PITRM1: variants seen among roughly 807,000 people sequenced by gnomAD.
PITRM1 encodes the protein presequence protease, mitochondrial.
In PITRM1, 100 loss-of-function variants were observed where a neutral mutation model predicts 129.9. The ratio of observed to expected loss-of-function variants is 0.77; its 90% CI spans 0.65 to 0.91. PITRM1 has a LOEUF of 0.91. Ranked by LOEUF, PITRM1 falls within the 40% of genes least tolerant of loss-of-function variation. The pLI, the probability that PITRM1 is intolerant of heterozygous loss-of-function variation, is 0.00. For synonymous variants in PITRM1, 591 were observed against 508.8 expected, an observed-to-expected ratio of 1.16 and a Z score of -2.17; for missense variants, 1,471 against 1,318.3, an observed-to-expected ratio of 1.12 and a Z score of -1.79.
intron 10 of PITRM1, among the ~76,000 whole-genome samples, chr10:3,158,373 G>A (rs903172349): frequency 6.6e-6 from 1 of 152,052 alleles, no homozygotes; most frequent in Non-Finnish European, 1.5e-5. Flanking sequence ...AGTTATGGCA[G>A]GATAAATATC....
At chr10:3,172,502 C>T (rs1564446988) in intron 1 of PITRM1, among the ~76,000 whole-genome samples, 2 of 152,286 alleles carry the variant, frequency 1.3e-5, no homozygotes, top group East Asian at 1.9e-4. Context: ...CAGCCCGGGG[C>T]ATCGCCCCTG....
At chr10:3,159,978 C>CA (rs1842312668) in intron 8 of PITRM1, 42 bp from the exon 9 acceptor site, 1 of 1,388,430 alleles carries the variant, frequency 7.2e-7, no homozygotes, top group Non-Finnish European at 1.0e-6. Flanking sequence ...CAGTGTCTGA[C>CA]GGTTGTCAAC....
In PITRM1 at chr10:3,172,688, G is replaced by A. The variant is rs1331446101; in HGVS notation, c.56+29C>T. 1.1e-5 allele frequency: 17 copies of A among 1,527,872 alleles called. No individual in the cohort carries two copies. In the South Asian group the frequency reaches 1.6e-4, roughly 14 times the overall value. 94.6% of individuals were successfully genotyped at this position (1,527,872 alleles called of 1,614,324 possible). On this transcript the variant is annotated intron_variant, in intron 1 of 26. Coordinates refer to ENST00000224949, the MANE Select transcript of PITRM1 (RefSeq NM_014889.4). ...ACCCTCCCCTCCCGGGTACCAGCGCGCCGAGCGCCTCCCGTCGCAGCGTCT... is the reference window on the plus strand; with the variant it reads ...ACCCTCCCCTCCCGGGTACCAGCGCACCGAGCGCCTCCCGTCGCAGCGTCT...
rs1202964935 is a variant in PITRM1, at chr10:3,151,281, G to T, written c.1704C>A (p.Thr568=). ...CCACGTCCAACTCTGTGACAGGTAT[G>T]GTGGGTTCAATATCGGAAACTTTCA... ...PALKVSDIEP[T]IPVTELDVVL... Residue 568 remains threonine (T), a synonymous_variant, in exon 15 of 27, where the codon ACC becomes ACA. Transcript: ENST00000224949. 1 of 1,608,340 alleles carries T rather than the reference G, an allele frequency of 6.2e-7. No individual in the cohort carries two copies. The highest frequency in any genetic ancestry group is 8.5e-7 in the Non-Finnish European group (1 of 1,177,024).
intron 20 of PITRM1, 94 bp from the exon 21 acceptor site, chr10:3,145,810 A>G: frequency 9.7e-7 from 1 of 1,032,068 alleles, no homozygotes; most frequent in Non-Finnish European, 1.4e-6. Context: ...TGTTGTTTTT[A>G]TAGAAAATAC....
At position 3,157,447 on chromosome 10, in the gene PITRM1, C is replaced by G. The variant is rs1405193525; in HGVS notation, c.1335G>C (p.Leu445=). 1 of 1,602,130 alleles carries G rather than the reference C, an allele frequency of 6.2e-7. No individual in the cohort carries two copies. The highest frequency in any genetic ancestry group is 1.7e-5 in the Admixed American group (1 of 58,208). ...AGAGATCACTTACTGATGTCAGCATCAGCCCAAAGCTGGTAGACTGATGTT... is the reference window on the plus strand; with the variant it reads ...AGAGATCACTTACTGATGTCAGCATGAGCCCAAAGCTGGTAGACTGATGTT... ...QMKHQSTSFG[L]MLTSYIASCW... is the part of the protein sequence containing the mutation. The change falls in exon 12 of 27, where the codon CTG becomes CTC. Residue 445 remains leucine (L), a synonymous_variant. Transcript: ENST00000224949.
intron 20 of PITRM1, chr10:3,145,927 C>A: frequency 1.8e-6 from 1 of 548,548 alleles, no homozygotes; most frequent in East Asian, 3.2e-5. Flanking sequence ...AATGTGGCAG[C>A]TAATGAAGCC....
intron 15 of PITRM1, among the ~76,000 whole-genome samples, chr10:3,150,191 C>A (rs547058215): frequency 2.0e-4 from 30 of 152,326 alleles, no homozygotes; most frequent in Non-Finnish European, 4.0e-4. Context: ...GTGTCCCCCA[C>A]CCACCCATCC....
chr10:3,158,333 C>G (rs564164836), intron 10 of PITRM1, among the ~76,000 whole-genome samples, 180 bp from the exon 11 acceptor site: 110 of 152,272 alleles, frequency 7.2e-4, no homozygotes, highest in African/African-American at 2.5e-3. Context: ...ATTTTTACAT[C>G]ATTTTTTAAA....
chr10:3,149,867 A>G (rs1841330413), intron 15 of PITRM1, 114 bp from the exon 16 acceptor site: 4 of 1,085,830 alleles, frequency 3.7e-6, no homozygotes, highest in Non-Finnish European at 5.5e-6. Context: ...TTTAAGACTT[A>G]TACTAGAGTT....
In PITRM1 at chr10:3,159,911, G is replaced by A. The variant is rs761367964; in HGVS notation, c.944C>T (p.Pro315Leu). 38 of 1,602,890 alleles carry A rather than the reference G, an allele frequency of 2.4e-5. No individual in the cohort carries two copies. The highest frequency in any genetic ancestry group is 4.5e-5 in the East Asian group (2 of 44,702). ...AGAGGGATCTGTAGCAAATGAATCC[G>A]GGCCACATGTTATCTGGAATTCCCT... ...KPREFQITCG[P>L]DSFATDPSKQ... is the part of the protein sequence containing the mutation. Residue 315 changes from proline to leucine, a missense_variant, in exon 9 of 27, where the codon CCG becomes CTG. Pro to Leu is a moderately conservative substitution (Grantham distance 98). Transcript: ENST00000224949.
intron 23 of PITRM1, chr10:3,141,836 G>C (rs560830338): frequency 3.9e-5 from 11 of 281,898 alleles, no homozygotes; most frequent in Admixed American, 3.8e-4. Flanking sequence ...CGACCATCTC[G>C]TGTGGGTCCT....
intron 23 of PITRM1, chr10:3,142,909 C>T (rs774244012): frequency 6.3e-6 from 1 of 158,248 alleles, no homozygotes; most frequent in Non-Finnish European, 1.4e-5. Flanking sequence ...CAGAGTCTGG[C>T]TCACGAGGTT....
intron 7 of PITRM1, chr10:3,163,034 A>C (rs1842576039): frequency 6.6e-6 from 1 of 152,282 alleles, no homozygotes; most frequent in Non-Finnish European, 1.5e-5. Flanking sequence ...CGGGCAAATG[A>C]TCATGACGTC....
chr10:3,170,232 A>G (rs746006944), intron 1 of PITRM1, 26 bp from the exon 2 acceptor site: 1 of 1,557,336 alleles, frequency 6.4e-7, no homozygotes, highest in Non-Finnish European at 8.9e-7. Flanking sequence ...TCTAAGTTAG[A>G]TGAGTTGCAG....
intron 2 of PITRM1, among the ~76,000 whole-genome samples, chr10:3,169,167 C>A (rs1254269319): frequency 6.6e-6 from 1 of 152,206 alleles, no homozygotes. Context: ...TGGGTGAGGC[C>A]CTTATTAACA....
In PITRM1 at chr10:3,168,018, T is replaced by C. The variant is rs1735193354; in HGVS notation, c.160-976A>G. On this transcript the variant is annotated intron_variant, in intron 2 of 26. Coordinates refer to ENST00000224949, the MANE Select transcript of PITRM1 (RefSeq NM_014889.4). ...CCATACTCCTCGGTATGAAAGAAAC[T>C]GTCTTCTCTTCCAGTCATGCCAGCC... 3 of 152,276 alleles carry C rather than the reference T, an allele frequency of 2.0e-5. No individual in the cohort carries two copies. The South Asian group carries it at 6.2e-4, about 32-fold the overall frequency. 9.4% of individuals were successfully genotyped at this position (152,276 alleles called of 1,614,324 possible).
In PITRM1 at chr10:3,143,494, G is replaced by A. The variant is rs1370010836; in HGVS notation, c.2540C>T (p.Thr847Ile). ...QVIRKLVMEP[T>I]FKPWQMKTHF... is the part of the protein sequence containing the mutation. ...AGTCTTCATCTGCCAGGGCTTGAAG[G>A]TGGGTTCCTGAGGGACACGGTATGG... The change falls in exon 23 of 27, where the codon ACC (threonine) becomes ATC (isoleucine). Residue 847 changes from threonine to isoleucine, a missense_variant. By Grantham distance (89) the Thr-to-Ile change is moderately conservative (BLOSUM62 -1). Transcript: ENST00000224949. 2 of 1,611,028 alleles carry A rather than the reference G, an allele frequency of 1.2e-6. No individual in the cohort carries two copies. The highest frequency in any genetic ancestry group is 1.7e-6 in the Non-Finnish European group (2 of 1,177,208).
intron 16 of PITRM1, chr10:3,148,641 A>T (rs534103613): frequency 5.1e-6 from 1 of 196,806 alleles, no homozygotes; most frequent in East Asian, 1.2e-4. Context: ...TACTCTCTTC[A>T]CCCAGATCAC....
Sources: gnomAD v4.1 joint callset for allele counts (sites outside exome capture counted in the v4.1 genomes callset) on GRCh38, gnomAD v4.1.1 for gene constraint, MANE v1.5 for transcripts, NCBI Gene and HGNC (gene_info 2026-07-23, HGNC 2026-07-21) for gene names.